The following ASXL2 variants were observed in gnomAD, a reference collection of about 807,000 sequenced individuals.
ASXL2 encodes putative Polycomb group protein ASXL2.
ASXL2 carries 23 observed loss-of-function variants against 122.0 expected under a neutral mutation model. The observed-to-expected ratio is 0.19, with a 90% CI of 0.14 to 0.27. The LOEUF (loss-of-function observed/expected upper bound fraction) is 0.27, where lower values mean the gene tolerates loss of function less well. ASXL2 is among the 10% of genes least tolerant of loss of function. ASXL2 has a pLI of 1.00. For missense variants in ASXL2, 1,518 were observed against 1,713.8 expected, an observed-to-expected ratio of 0.89 and a Z score of 2.02; for synonymous variants, 650 against 637.0, an observed-to-expected ratio of 1.02 and a Z score of -0.31.
chr2:25,824,496 CA>C (rs2089351593), intron 3 of ASXL2, among the ~76,000 whole-genome samples: 1 of 152,120 alleles, frequency 6.6e-6, no homozygotes, highest in South Asian at 2.1e-4. Context: ...CACACACACA[CA>C]CAATTTGCCT....
intron 9 of ASXL2, among the ~76,000 whole-genome samples, chr2:25,759,247 G>A (rs939942538): frequency 6.6e-6 from 1 of 152,132 alleles, no homozygotes; most frequent in African/African-American, 2.4e-5. Context: ...GAGCCACCAT[G>A]TCTGGCTTCC....
intron 5 of ASXL2, among the ~76,000 whole-genome samples, chr2:25,786,519 G>A (rs1422435207): frequency 6.6e-6 from 1 of 152,004 alleles, no homozygotes; most frequent in Non-Finnish European, 1.5e-5. Context: ...GAATACAGGC[G>A]TGAGCCACCA....
Position 25,799,555 on chromosome 2 carries a change from A to G in ASXL2, c.253-20T>C, listed in dbSNP as rs772962439. 1.1e-5 allele frequency: 17 copies of G among 1,602,418 alleles called. No homozygotes were observed. Among genetic ancestry groups the G allele is most frequent in the African/African-American group, 1.3e-5 (1 of 74,406 alleles). The stretch of plus-strand genomic sequence containing the variant: ...ATCTTTCTGAAAATGTAGGCATCCA[A>G]TTAGGATTAATCATTACCATTTAAG... On this transcript the variant is annotated intron_variant, in intron 4 of 12. Coordinates refer to ENST00000435504, the MANE Select transcript of ASXL2 (RefSeq NM_018263.6).
chr2:25,810,719 C>A, intron 3 of ASXL2: 1 of 624,100 alleles, frequency 1.6e-6, no homozygotes, highest in Admixed American at 2.0e-5. Context: ...GTTGCAGCTG[C>A]TTCTCACCAG....
chr2:25,856,969 G>A (rs139557335), intron 1 of ASXL2: 50 of 431,642 alleles, frequency 1.2e-4, no homozygotes, highest in African/African-American at 9.8e-4. Flanking sequence ...ACAAGTTCTA[G>A]AATAATGCCA....
intron 5 of ASXL2, among the ~76,000 whole-genome samples, chr2:25,793,969 C>T (rs2088874995): frequency 6.6e-6 from 1 of 152,158 alleles, no homozygotes; most frequent in African/African-American, 2.4e-5. Context: ...ATAATAACCT[C>T]AGAGGAAAAG....
Position 25,759,469 on chromosome 2 carries a change from T to C in ASXL2, c.939+13A>G. 1 of 1,611,708 alleles carries C rather than the reference T, an allele frequency of 6.2e-7. No individual in the cohort carries two copies. The highest frequency in any genetic ancestry group is 8.5e-7 in the Non-Finnish European group (1 of 1,178,272). ...CAGCTATTTTTAAAATCTTAAGGAG[T>C]TCAATGACGCACCTGTCGATCTACC... On this transcript the variant is annotated intron_variant, in intron 9 of 12. Coordinates refer to ENST00000435504, the MANE Select transcript of ASXL2 (RefSeq NM_018263.6).
chr2:25,814,966 T>G (rs2089215866), intron 3 of ASXL2, among the ~76,000 whole-genome samples: 1 of 152,224 alleles, frequency 6.6e-6, no homozygotes, highest in African/African-American at 2.4e-5. Flanking sequence ...GTAACTCGAT[T>G]GTACAGATCA....
intron 2 of ASXL2, among the ~76,000 whole-genome samples, chr2:25,838,116 AAG>A (rs1397445928): frequency 6.6e-6 from 1 of 152,182 alleles, no homozygotes; most frequent in Non-Finnish European, 1.5e-5. Context: ...AAGAAAAAGA[AAG>A]AAGTTACATT....
chr2:25,799,065 ATC>A (rs2088954790), intron 5 of ASXL2, among the ~76,000 whole-genome samples: 2 of 152,086 alleles, frequency 1.3e-5, no homozygotes, highest in South Asian at 4.2e-4. Flanking sequence ...TACATGGGAA[ATC>A]TCTGTACCTT....
chr2:25,863,082 C>G (rs2089858477), intron 1 of ASXL2, among the ~76,000 whole-genome samples: 2 of 152,000 alleles, frequency 1.3e-5, no homozygotes, highest in Non-Finnish European at 2.9e-5. Context: ...TTAATCCCAG[C>G]ACTCTGGAAG....
intron 3 of ASXL2, among the ~76,000 whole-genome samples, chr2:25,820,151 A>G (rs2089291340): frequency 6.6e-6 from 1 of 152,150 alleles, no homozygotes; most frequent in African/African-American, 2.4e-5. Context: ...CCTGCACTCA[A>G]GCAATCCTCC....
chr2:25,821,278 G>A (rs550319626), intron 3 of ASXL2, among the ~76,000 whole-genome samples: 36 of 152,048 alleles, frequency 2.4e-4, no homozygotes, highest in African/African-American at 7.0e-4. Context: ...GATCCCTTGT[G>A]CCCAGGAGTT....
At chr2:25,840,982 T>A (rs1446372404) in intron 2 of ASXL2, among the ~76,000 whole-genome samples, 6 of 152,190 alleles carry the variant, frequency 3.9e-5, no homozygotes, top group Non-Finnish European at 5.9e-5. Flanking sequence ...CATTCTGTAA[T>A]CTTTCTAAAA....
At chr2:25,745,098 T>G (rs1279429514) in intron 12 of ASXL2, among the ~76,000 whole-genome samples, 4 of 152,132 alleles carry the variant, frequency 2.6e-5, no homozygotes, top group African/African-American at 9.7e-5. Flanking sequence ...TACATAATGT[T>G]TGCCAGCCAT....
intron 5 of ASXL2, among the ~76,000 whole-genome samples, chr2:25,791,434 C>T (rs1574418618): frequency 6.6e-6 from 1 of 151,540 alleles, no homozygotes; most frequent in South Asian, 2.1e-4. Context: ...TTGCAGTGAG[C>T]CGAGATCATG....
At position 25,748,329 on chromosome 2, in the gene ASXL2, T is replaced by A. The variant is rs150880720; in HGVS notation, c.1860+1367A>T. Among the ~76,000 whole-genome samples the A allele has an allele frequency of 1.5e-3, 222 of 152,030 alleles. 6 individuals are homozygous for A. The East Asian group carries it at 0.036, about 25-fold the overall frequency. ...GCCTGGCCAACATGGTGAAACCCCA[T>A]CTCTACTAAAAAATAAAATTACAAA... On this transcript the variant is annotated intron_variant, in intron 12 of 12. Coordinates refer to ENST00000435504, the MANE Select transcript of ASXL2 (RefSeq NM_018263.6).
intron 1 of ASXL2, among the ~76,000 whole-genome samples, chr2:25,874,397 G>A (rs2089994665): frequency 6.6e-6 from 1 of 152,190 alleles, no homozygotes; most frequent in African/African-American, 2.4e-5. Flanking sequence ...GCTGAGCTGG[G>A]AGGATTGCTT....
chr2:25,810,494 T>C, intron 3 of ASXL2: 1 of 743,440 alleles, frequency 1.3e-6, no homozygotes, highest in Admixed American at 1.9e-5. Context: ...AGCTGGATCC[T>C]ATGGTTCAAG....
Sources: gnomAD v4.1 joint callset for allele counts (sites outside exome capture counted in the v4.1 genomes callset) on GRCh38, gnomAD v4.1.1 for gene constraint, MANE v1.5 for transcripts, NCBI Gene and HGNC (gene_info 2026-07-23, HGNC 2026-07-21) for gene names.